Variants in CNTNAP5 observed in about 807,000 individuals in gnomAD.
CNTNAP5 encodes contactin associated protein family member 5, also known as contactin-associated protein-like 5.
A neutral mutation model predicts 150.2 loss-of-function variants in CNTNAP5; 72 were observed. The observed-to-expected ratio is 0.48, with a 90% CI of 0.40 to 0.58. The LOEUF is 0.58. CNTNAP5 is among the 20% of genes least tolerant of loss of function. The pLI is 0.00. For missense variants in CNTNAP5, 1,636 were observed against 1,626.2 expected (o/e 1.01, Z -0.10); for synonymous variants, 672 against 619.8 (o/e 1.08, Z -1.25).
intron 1 of CNTNAP5, among the ~76,000 whole-genome samples, chr2:124,030,084 C>T (rs948211227): frequency 2.6e-5 from 4 of 152,158 alleles, no homozygotes; most frequent in Middle Eastern, 3.4e-3. Flanking sequence ...CTTAGTTACC[C>T]CAATGATCTT....
At chr2:124,127,292 G>A (rs1443968796) in intron 1 of CNTNAP5, among the ~76,000 whole-genome samples, 1 of 152,134 alleles carries the variant, frequency 6.6e-6, no homozygotes, top group Non-Finnish European at 1.5e-5. Context: ...CATATCATGA[G>A]TGAACTCACA....
At chr2:124,860,662 T>C (rs1290188011) in intron 19 of CNTNAP5, among the ~76,000 whole-genome samples, 1 of 152,014 alleles carries the variant, frequency 6.6e-6, no homozygotes, top group African/African-American at 2.4e-5. Context: ...CAATGAGATA[T>C]GTCCTGGCTC....
Position 124,504,402 on chromosome 2 carries a change from A to G in CNTNAP5, c.1173A>G (p.Ser391=), listed in dbSNP as rs372842651. 6.2e-7 allele frequency: 1 copy of G among 1,613,924 alleles called. No individual in the cohort carries two copies. The highest frequency in any genetic ancestry group is 8.5e-7 in the Non-Finnish European group (1 of 1,179,856). ...LPGTPQIDGL[S]VSFQFRTWNK... ...GCACCCCCCAAATTGATGGGCTCTC[A>G]GTGAGTTTCCAGTTTCGAACATGGA... The change falls in exon 8 of 24, where the codon TCA becomes TCG. Residue 391 remains serine, a synonymous_variant. Transcript: ENST00000682447.
At position 124,091,623 on chromosome 2, in the gene CNTNAP5, A is replaced by G. The variant is rs13428544; in HGVS notation, c.82+65891A>G. Among the ~76,000 whole-genome samples, 316 of 152,326 alleles carry G rather than the reference A, an allele frequency of 2.1e-3. 4 individuals carry two copies. Among genetic ancestry groups the G allele is most frequent in the African/African-American group, 7.1e-3 (297 of 41,568 alleles). On this transcript the variant is annotated intron_variant, in intron 1 of 23. Transcript: ENST00000682447. ...GAGTTTATATCCCTGGGTGAATGGC[A>G]GTGTTTTTCAAAAGGAAAAGAAAGC...
At chr2:124,666,374 T>C (rs1678700748) in intron 13 of CNTNAP5, among the ~76,000 whole-genome samples, 1 of 152,174 alleles carries the variant, frequency 6.6e-6, no homozygotes, top group Non-Finnish European at 1.5e-5. Context: ...GTACACTGGG[T>C]GAGAGTGACT....
At chr2:124,089,865 C>A (rs1682775205) in intron 1 of CNTNAP5, among the ~76,000 whole-genome samples, 1 of 152,228 alleles carries the variant, frequency 6.6e-6, no homozygotes, top group African/African-American at 2.4e-5. Context: ...TGTTCTAGCC[C>A]TTTCATGCAC....
At chr2:124,626,751 A>G (rs546355624) in intron 12 of CNTNAP5, among the ~76,000 whole-genome samples, 1 of 152,314 alleles carries the variant, frequency 6.6e-6, no homozygotes, top group African/African-American at 2.4e-5. Flanking sequence ...CAGGGAGCCA[A>G]GCAATCTCGC....
chr2:124,387,497 T>C (rs936366172), intron 3 of CNTNAP5, among the ~76,000 whole-genome samples: 12 of 152,276 alleles, frequency 7.9e-5, no homozygotes, highest in East Asian at 3.9e-4. Context: ...TTAGTTCTTA[T>C]AGGTTTTGGG....
chr2:124,584,228 A>C (rs6713316), intron 11 of CNTNAP5, among the ~76,000 whole-genome samples: 40,632 of 152,028 alleles, frequency 0.27, 6,248 homozygotes, highest in East Asian at 0.61. Context: ...TTGCAAGAAG[A>C]TCTTGAAGCT....
Position 124,731,352 on chromosome 2 carries a change from C to CTT in CNTNAP5, c.2078-15868_2078-15867dup, listed in dbSNP as rs374284678. Among the ~76,000 whole-genome samples the CTT allele has an allele frequency of 1.9e-3, 278 of 149,418 alleles. 2 individuals are homozygous for CTT. Among genetic ancestry groups the CTT allele is most frequent in the African/African-American group, 6.5e-3 (265 of 40,748 alleles). On this transcript the variant is annotated intron_variant, in intron 13 of 23. Coordinates refer to ENST00000682447, the MANE Select transcript of CNTNAP5 (RefSeq NM_001367498.1). The stretch of plus-strand genomic sequence containing the variant: ...GCTCTTTTCTCACCTTTTTTCACTT[C>CTT]TTTTTTTTTTCTTTTACCGTAAGCA...
At chr2:124,795,348 T>C (rs971737334) in intron 18 of CNTNAP5, among the ~76,000 whole-genome samples, 6 of 152,148 alleles carry the variant, frequency 3.9e-5, no homozygotes, top group Non-Finnish European at 8.8e-5. Flanking sequence ...TCCTACTTCA[T>C]GTCACCCATC....
intron 19 of CNTNAP5, among the ~76,000 whole-genome samples, chr2:124,830,767 G>T (rs941622514): frequency 6.6e-6 from 1 of 151,888 alleles, no homozygotes; most frequent in African/African-American, 2.4e-5. Flanking sequence ...AGCAGAGTTA[G>T]AACTGGAGAA....
chr2:124,914,353 C>T lies in CNTNAP5; in HGVS notation c.*65C>T, dbSNP rs574452161. 20 of 1,187,058 alleles carry T rather than the reference C, an allele frequency of 1.7e-5. No individual in the cohort carries two copies. In the East Asian group the frequency reaches 4.8e-4, roughly 29 times the overall value. The allele number at this position is 1,187,058 out of a possible 1,614,324, so 73.5% of individuals were successfully genotyped here. ...CAATTATCTCCTCCCCCTCTTCTCT[C>T]CTGTCTTTTGATTTGGTCATTCTCT... is the stretch of plus-strand genomic sequence containing the variant. On this transcript the variant is annotated 3_prime_UTR_variant, in exon 24 of 24. Coordinates refer to ENST00000682447, the MANE Select transcript of CNTNAP5 (RefSeq NM_001367498.1).
chr2:124,178,890 C>T (rs1294826108), intron 1 of CNTNAP5, among the ~76,000 whole-genome samples: 1 of 151,238 alleles, frequency 6.6e-6, no homozygotes, highest in Non-Finnish European at 1.5e-5. Context: ...TTGTGAAAAG[C>T]TCTCTGATTT....
chr2:124,878,204 A>G (rs1677899465), intron 21 of CNTNAP5, among the ~76,000 whole-genome samples: 1 of 152,104 alleles, frequency 6.6e-6, no homozygotes. Flanking sequence ...GGAGTCTTTA[A>G]TCATGGAGAG....
At chr2:124,426,406 G>A (rs1054522567) in intron 4 of CNTNAP5, among the ~76,000 whole-genome samples, 2 of 152,178 alleles carry the variant, frequency 1.3e-5, no homozygotes, top group Admixed American at 1.3e-4. Flanking sequence ...GTGGTTTGTG[G>A]ATTGCTAGCC....
At chr2:124,567,576 C>G (rs575598108) in intron 11 of CNTNAP5, among the ~76,000 whole-genome samples, 8 of 152,132 alleles carry the variant, frequency 5.3e-5, no homozygotes, top group South Asian at 4.2e-4. Context: ...CAGGAGTAAC[C>G]GAATAAAAAC....
At chr2:124,162,902 A>G (rs1374248299) in intron 1 of CNTNAP5, among the ~76,000 whole-genome samples, 4 of 152,274 alleles carry the variant, frequency 2.6e-5, no homozygotes, top group East Asian at 1.9e-4. Flanking sequence ...CCTAAACATC[A>G]TTAACCAAGT....
chr2:124,038,970 G>T (rs1681295116), intron 1 of CNTNAP5, among the ~76,000 whole-genome samples: 2 of 152,162 alleles, frequency 1.3e-5, no homozygotes, highest in Admixed American at 1.3e-4. Context: ...TGATGTCCAG[G>T]CTGGGAAATA....
Sources: gnomAD v4.1 joint callset for allele counts (sites outside exome capture counted in the v4.1 genomes callset) on GRCh38, gnomAD v4.1.1 for gene constraint, MANE v1.5 for transcripts, NCBI Gene and HGNC (gene_info 2026-07-23, HGNC 2026-07-21) for gene names.